SMAD2: variants seen among roughly 807,000 people sequenced by gnomAD.
SMAD2 encodes the protein SMAD family member 2.
In SMAD2, 8 loss-of-function variants were observed where a neutral mutation model predicts 64.4. The observed-to-expected ratio is 0.12, with a 90% CI of 0.07 to 0.22. The LOEUF is 0.22. SMAD2 is among the 10% of genes least tolerant of loss of function. The pLI, the probability that SMAD2 is intolerant of heterozygous loss-of-function variation, is 1.00. For missense variants in SMAD2, 289 were observed against 561.2 expected (o/e 0.51, Z 4.90); for synonymous variants, 203 against 195.8 (o/e 1.04, Z -0.31).
chr18:47,852,654 T>C (rs2030229800), intron 6 of SMAD2, among the ~76,000 whole-genome samples: 1 of 152,204 alleles, frequency 6.6e-6, no homozygotes, highest in Non-Finnish European at 1.5e-5. Context: ...TAGGGTTTAC[T>C]ACGAGACATT....
intron 9 of SMAD2, 42 bp downstream of exon 9, chr18:47,845,621 C>T (rs2144289541): frequency 6.2e-7 from 1 of 1,609,862 alleles, no homozygotes; most frequent in South Asian, 1.1e-5. Flanking sequence ...AAAAACTAAG[C>T]AAGTTGACAT....
chr18:47,929,799 T>C (rs1237254696), intron 1 of SMAD2, among the ~76,000 whole-genome samples: 1 of 152,124 alleles, frequency 6.6e-6, no homozygotes, highest in East Asian at 1.9e-4. Flanking sequence ...AAAACCAAGT[T>C]TGAAATACGA....
intron 10 of SMAD2, 108 bp from the exon 11 acceptor site, chr18:47,842,058 G>A (rs2144277900): frequency 1.6e-6 from 2 of 1,271,844 alleles, no homozygotes; most frequent in Non-Finnish European, 2.3e-6. Context: ...TTAAAAGGTT[G>A]TGTATATAAT....
Position 47,830,429 on chromosome 18 carries a change from T to C in SMAD2, c.*11398A>G, listed in dbSNP as rs1300558937. ...CTGTCTCCACTAAAAATACAAAAAG[T>C]AGTTGGGCGTGGTGGTGTGTGCCTG... On this transcript the variant is annotated 3_prime_UTR_variant, in exon 11 of 11. Coordinates refer to ENST00000262160, the MANE Select transcript of SMAD2 (RefSeq NM_005901.6). The C allele has an allele frequency of 6.6e-6, 1 of 151,594 alleles. No individual in the cohort carries two copies. The highest frequency in any genetic ancestry group is 2.1e-4 in the South Asian group (1 of 4,776). The allele number at this position is 151,594 out of a possible 1,614,324, so 9.4% of individuals were successfully genotyped here. A position where few individuals can be genotyped will look rare whatever the true frequency, so the allele number is the denominator to read the frequency against.
At chr18:47,870,361 T>C in intron 3 of SMAD2, 114 bp downstream of exon 3, 2 of 759,382 alleles carry the variant, frequency 2.6e-6, no homozygotes, top group Non-Finnish European at 4.8e-6. Context: ...TGCCTTATTT[T>C]ACATTAAGGA....
chr18:47,857,595 C>T (rs965559696), intron 6 of SMAD2, among the ~76,000 whole-genome samples: 2 of 152,058 alleles, frequency 1.3e-5, no homozygotes, highest in Non-Finnish European at 2.9e-5. Context: ...GATATAGATC[C>T]AAATAAGTCC....
intron 1 of SMAD2, chr18:47,920,318 AT>A (rs2034511558): frequency 6.6e-6 from 1 of 152,252 alleles, no homozygotes; most frequent in South Asian, 2.1e-4. Flanking sequence ...TGAAATCATA[AT>A]TTAATAATTT....
chr18:47,846,412 T>C (rs1914493387), intron 8 of SMAD2, among the ~76,000 whole-genome samples: 1 of 152,178 alleles, frequency 6.6e-6, no homozygotes, highest in Non-Finnish European at 1.5e-5. Context: ...AGTTCTAACA[T>C]GACACCTAAG....
chr18:47,823,504 T>C lies in SMAD2; in HGVS notation c.*18323A>G, dbSNP rs1394581601. 1.3e-5 allele frequency: 2 copies of C among 152,172 alleles called. No individual in the cohort carries two copies. The highest frequency in any genetic ancestry group is 2.9e-5 in the Non-Finnish European group (2 of 68,026). The allele number at this position is 152,172 out of a possible 1,614,324, so 9.4% of individuals were successfully genotyped here. A position where few individuals can be genotyped will look rare whatever the true frequency, so the allele number is the denominator to read the frequency against. ...TTCCTTCAATATTTGGCTATGACTCTCTAAGAAAAAAAACTACTCCCATGC... is the reference window on the plus strand; with the variant it reads ...TTCCTTCAATATTTGGCTATGACTCCCTAAGAAAAAAAACTACTCCCATGC... On this transcript the variant is annotated 3_prime_UTR_variant, in exon 11 of 11. Transcript: ENST00000262160.
intron 6 of SMAD2, among the ~76,000 whole-genome samples, chr18:47,854,976 C>A (rs543907742): frequency 6.6e-6 from 1 of 152,200 alleles, no homozygotes; most frequent in Non-Finnish European, 1.5e-5. Flanking sequence ...AGTTTCACTG[C>A]CCTAAAAATG....
chr18:47,927,859 A>G (rs2034829491), intron 1 of SMAD2, among the ~76,000 whole-genome samples: 1 of 152,226 alleles, frequency 6.6e-6, no homozygotes. Flanking sequence ...AGATCGTGCC[A>G]TTGCACTCCA....
chr18:47,895,337 A>G (rs1032109063), intron 2 of SMAD2: 4 of 152,218 alleles, frequency 2.6e-5, no homozygotes, highest in African/African-American at 9.7e-5. Flanking sequence ...TGCTTCTCCA[A>G]GCTCCACGCA....
chr18:47,887,221 G>C (rs563463188), intron 2 of SMAD2, among the ~76,000 whole-genome samples: 3 of 152,198 alleles, frequency 2.0e-5, no homozygotes, highest in Non-Finnish European at 2.9e-5. Context: ...CCAGATATTT[G>C]TATTAACAAT....
In SMAD2 at chr18:47,903,510, T is replaced by G. The variant is rs1032792140; in HGVS notation, c.-53-6701A>C. 2.6e-5 allele frequency among the ~76,000 whole-genome samples: 4 copies of G among 152,272 alleles called. No homozygotes were observed. The South Asian group carries it at 8.3e-4, about 32-fold the overall frequency. ...CACACTTGGACAAAACAAGAAATGATGGACCATTTTCTAAAAGTAAATATT... is the reference window on the plus strand; with the variant it reads ...CACACTTGGACAAAACAAGAAATGAGGGACCATTTTCTAAAAGTAAATATT... On this transcript the variant is annotated intron_variant, in intron 1 of 10. Coordinates refer to ENST00000262160, the MANE Select transcript of SMAD2 (RefSeq NM_005901.6).
intron 1 of SMAD2, among the ~76,000 whole-genome samples, chr18:47,914,216 C>T (rs1034711077): frequency 6.6e-6 from 1 of 152,204 alleles, no homozygotes. Flanking sequence ...ACAAAAAAAT[C>T]TCCAAATCCT....
rs999642688 is a variant in SMAD2 at position 47,837,942 on chromosome 18, G to A, written c.*3885C>T. ...ACTTTATATCCCAACATAAACCTAC[G>A]CCACCCTCAGACGAAGAGGGTATCT... On this transcript the variant is annotated 3_prime_UTR_variant, in exon 11 of 11. Transcript: ENST00000262160. 27 of 232,314 alleles carry A rather than the reference G, an allele frequency of 1.2e-4. No homozygotes were observed. The highest frequency in any genetic ancestry group is 1.8e-4 in the African/African-American group (8 of 45,344). The allele number at this position is 232,314 out of a possible 1,614,324, so 14.4% of individuals were successfully genotyped here. A position where few individuals can be genotyped will look rare whatever the true frequency, so the allele number is the denominator to read the frequency against.
At chr18:47,896,424 A>G (rs953209087) in intron 2 of SMAD2, 97 bp downstream of exon 2, 1 of 1,230,648 alleles carries the variant, frequency 8.1e-7, no homozygotes, top group African/African-American at 1.5e-5. Flanking sequence ...TTCAATCATC[A>G]CTTTTTACAG....
At chr18:47,870,698 C>CACA in intron 2 of SMAD2, 134 bp from the exon 3 acceptor site, 1 of 736,268 alleles carries the variant, frequency 1.4e-6, no homozygotes, top group Non-Finnish European at 2.5e-6. Flanking sequence ...TTCACTTTTT[C>CACA]ACAGGCATGT....
intron 5 of SMAD2, chr18:47,866,795 A>G (rs1305231141): frequency 6.6e-6 from 1 of 152,198 alleles, no homozygotes; most frequent in Non-Finnish European, 1.5e-5. Context: ...ACTGTCCAGA[A>G]AAGCAAATGG....
Sources: gnomAD v4.1 joint callset for allele counts (sites outside exome capture counted in the v4.1 genomes callset) on GRCh38, gnomAD v4.1.1 for gene constraint, MANE v1.5 for transcripts, NCBI Gene and HGNC (gene_info 2026-07-23, HGNC 2026-07-21) for gene names.